Variants in PRKAG2 observed in about 807,000 individuals in gnomAD.
PRKAG2 encodes the protein protein kinase AMP-activated non-catalytic subunit gamma 2.
A neutral mutation model predicts 69.6 loss-of-function variants in PRKAG2; 26 were observed. The ratio of observed to expected loss-of-function variants is 0.37; its 90% CI spans 0.27 to 0.52. PRKAG2 has a LOEUF of 0.52. Ranked by LOEUF, PRKAG2 falls within the 20% of genes least tolerant of loss-of-function variation. The probability of loss-of-function intolerance (pLI) is 0.90; values close to 1 mark genes in which losing one functional copy is unlikely to be tolerated. For missense variants in PRKAG2, 557 were observed against 740.0 expected (o/e 0.75, Z 2.87); for synonymous variants, 293 against 285.0 (o/e 1.03, Z -0.28).
At position 151,850,774 on chromosome 7, in the gene PRKAG2, A is replaced by T. The variant is rs1453556779; in HGVS notation, c.114+25733T>A. Among the ~76,000 whole-genome samples the T allele has an allele frequency of 6.6e-6, 1 of 152,244 alleles. No individual in the cohort carries two copies. Among genetic ancestry groups the T allele is most frequent in the Non-Finnish European group, 1.5e-5 (1 of 68,036 alleles). ...TCTGAGCGCTGCCTCGCAGTTGTGCAAATCAGTTCAGCTCAGTGAGTTTTA... is the reference window on the plus strand; with the variant it reads ...TCTGAGCGCTGCCTCGCAGTTGTGCTAATCAGTTCAGCTCAGTGAGTTTTA... On this transcript the variant is annotated intron_variant, in intron 1 of 15. Transcript: ENST00000287878. The surrounding 1 kb of genome is among the most constrained non-coding windows in gnomAD (Gnocchi z 4.1).
At chr7:151,590,276 G>C (rs910376158) in intron 6 of PRKAG2, among the ~76,000 whole-genome samples, 4 of 152,244 alleles carry the variant, frequency 2.6e-5, no homozygotes, top group Admixed American at 2.0e-4. Flanking sequence ...CCCACAGACA[G>C]AGAACCCAAC....
At chr7:151,839,006 C>A (rs2079213575) in intron 1 of PRKAG2, among the ~76,000 whole-genome samples, 1 of 130,492 alleles carries the variant, frequency 7.7e-6, no homozygotes, top group African/African-American at 3.0e-5. Context: ...CAGAGTGAGA[C>A]TGTCTCAAAA....
At chr7:151,708,411 G>A (rs780370488) in intron 3 of PRKAG2, among the ~76,000 whole-genome samples, 21 of 152,256 alleles carry the variant, frequency 1.4e-4, no homozygotes, top group East Asian at 7.7e-4. Context: ...GCCAGCCATC[G>A]AAGAGAATAG....
At chr7:151,687,923 C>T (rs541833696) in intron 3 of PRKAG2, among the ~76,000 whole-genome samples, 8 of 152,126 alleles carry the variant, frequency 5.3e-5, no homozygotes, top group East Asian at 1.9e-4. Context: ...TCCTCCCCAA[C>T]GGGGCTCCCT....
intron 4 of PRKAG2, among the ~76,000 whole-genome samples, chr7:151,651,500 G>A (rs1300743771): frequency 2.0e-5 from 3 of 152,112 alleles, no homozygotes; most frequent in South Asian, 2.1e-4. Flanking sequence ...CCAGCTGTTC[G>A]AGAGGCTGAG....
chr7:151,734,113 T>C (rs1794416030), intron 3 of PRKAG2: 1 of 152,162 alleles, frequency 6.6e-6, no homozygotes, highest in South Asian at 2.1e-4. Flanking sequence ...GATTGAACAC[T>C]CTCTGGGTTC....
chr7:151,876,543 G>A lies in PRKAG2; in HGVS notation c.78C>T (p.Ala26=). The A allele has an allele frequency of 6.2e-7, 1 of 1,609,258 alleles. No homozygotes were observed. The highest frequency in any genetic ancestry group is 8.5e-7 in the Non-Finnish European group (1 of 1,179,896). Residue 26 remains alanine, a synonymous_variant, in exon 1 of 16, where the codon GCC becomes GCT. Transcript: ENST00000287878. Reference sequence around the variant, plus strand: ...CGCGCAGCGAACGCCTCTTCTGGCTGGCATTTTTCTTGCCGCCGCTCCCGC... The same window carrying A: ...CGCGCAGCGAACGCCTCTTCTGGCTAGCATTTTTCTTGCCGCCGCTCCCGC... ...SPGGSGGKKN[A]SQKRRSLRVH...
At chr7:151,676,268 G>A (rs1832934366) in intron 3 of PRKAG2, among the ~76,000 whole-genome samples, 1 of 147,918 alleles carries the variant, frequency 6.8e-6, no homozygotes, top group Non-Finnish European at 1.5e-5. Flanking sequence ...GGACGGGAGG[G>A]GAGGGGAGGG....
In PRKAG2 at chr7:151,756,366, C is replaced by A. The variant is rs907083589; in HGVS notation, c.466+24786G>T. Among the ~76,000 whole-genome samples, 10 of 152,248 alleles carry A rather than the reference C, an allele frequency of 6.6e-5. No individual in the cohort carries two copies. Among genetic ancestry groups the A allele is most frequent in the Admixed American group, 2.0e-4 (3 of 15,292 alleles). ...AGGCACCAAAGGTTTCCTGTCCTTG[C>A]AATGCTGGGAGGGACCCTAGATGGA... On this transcript the variant is annotated intron_variant, in intron 3 of 15. Coordinates refer to ENST00000287878, the MANE Select transcript of PRKAG2 (RefSeq NM_016203.4). The surrounding 1 kb of genome is among the most constrained non-coding windows in gnomAD (Gnocchi z 4.9).
Position 151,781,468 on chromosome 7 carries a change from C to T in PRKAG2, c.187-37G>A, listed in dbSNP as rs763588578. On this transcript the variant is annotated intron_variant, in intron 2 of 15. Coordinates refer to ENST00000287878, the MANE Select transcript of PRKAG2 (RefSeq NM_016203.4). The surrounding 1 kb of genome is among the most constrained non-coding windows in gnomAD (Gnocchi z 6.1). ...CAGACGAATGGATGCAGTCACTCCA[C>T]GCTCTGGACACGCTGCCTCCTGCCC... 1.1e-5 allele frequency: 18 copies of T among 1,573,512 alleles called. No homozygotes were observed. Among genetic ancestry groups the T allele is most frequent in the Admixed American group, 3.7e-5 (2 of 54,096 alleles).
rs904050065 is a variant in PRKAG2, at chr7:151,617,470, A to G, written c.754+14599T>C. On this transcript the variant is annotated intron_variant, in intron 5 of 15. Coordinates refer to ENST00000287878, the MANE Select transcript of PRKAG2 (RefSeq NM_016203.4). ...GGTGGATGGTGGCTATTTGGAATGC[A>G]TTGAACCATTCTCTCTACCATTTCA... 3.3e-5 allele frequency among the ~76,000 whole-genome samples: 5 copies of G among 152,306 alleles called. No homozygotes were observed. In the South Asian group the frequency reaches 8.3e-4, roughly 25 times the overall value.
At chr7:151,744,625 G>A (rs950085618) in intron 3 of PRKAG2, among the ~76,000 whole-genome samples, 1 of 152,244 alleles carries the variant, frequency 6.6e-6, no homozygotes, top group African/African-American at 2.4e-5. Flanking sequence ...GTTATGTGAA[G>A]CTGCAAATAG....
At chr7:151,672,148 C>T (rs1832148913) in intron 4 of PRKAG2, among the ~76,000 whole-genome samples, 1 of 150,784 alleles carries the variant, frequency 6.6e-6, no homozygotes, top group African/African-American at 2.5e-5. Context: ...GTCGCCCAGG[C>T]TGGAGTGCAG....
intron 5 of PRKAG2, among the ~76,000 whole-genome samples, chr7:151,627,574 C>A (rs545941938): frequency 6.6e-6 from 1 of 151,976 alleles, no homozygotes; most frequent in Admixed American, 6.6e-5. Flanking sequence ...TGCCGTGAAC[C>A]GAGATTGTAC....
Position 151,781,028 on chromosome 7 carries a change from C to G in PRKAG2, c.466+124G>C, listed in dbSNP as rs1276366294. ...AAGTGGGGGTGGGGAGAAACAGATA[C>G]AGGCACTCAGCACCAAGCTGCTCAC... On this transcript the variant is annotated intron_variant, in intron 3 of 15. Transcript: ENST00000287878. The surrounding 1 kb of genome is among the most constrained non-coding windows in gnomAD (Gnocchi z 6.1). 3 of 1,311,476 alleles carry G rather than the reference C, an allele frequency of 2.3e-6. No individual in the cohort carries two copies. The highest frequency in any genetic ancestry group is 1.7e-5 in the Admixed American group (1 of 58,864). The allele number at this position is 1,311,476 out of a possible 1,614,324, so 81.2% of individuals were successfully genotyped here.
At chr7:151,728,654 C>T (rs955576567) in intron 3 of PRKAG2, among the ~76,000 whole-genome samples, 1 of 152,210 alleles carries the variant, frequency 6.6e-6, no homozygotes, top group Non-Finnish European at 1.5e-5. Flanking sequence ...CACTTTCAGA[C>T]GCTGCAGTCC....
chr7:151,733,911 T>A (rs947107887), intron 3 of PRKAG2, among the ~76,000 whole-genome samples: 2 of 151,960 alleles, frequency 1.3e-5, no homozygotes, highest in African/African-American at 4.8e-5. Context: ...CCCAGGCTGG[T>A]CTCGAACTCC....
chr7:151,707,957 A>G (rs1012187832), intron 3 of PRKAG2, among the ~76,000 whole-genome samples: 1 of 152,212 alleles, frequency 6.6e-6, no homozygotes, highest in Non-Finnish European at 1.5e-5. Flanking sequence ...CCCAACCCAG[A>G]CGGGGCAGGG....
At chr7:151,618,867 T>C (rs953629017) in intron 5 of PRKAG2, among the ~76,000 whole-genome samples, 2 of 152,188 alleles carry the variant, frequency 1.3e-5, no homozygotes, top group Admixed American at 6.5e-5. Flanking sequence ...GGATTTACAA[T>C]TATAAGGTGG....
Sources: allele counts gnomAD v4.1 joint callset (sites outside exome capture counted in the v4.1 genomes callset), GRCh38; gene constraint gnomAD v4.1.1; non-coding constraint Gnocchi (gnomAD v3.1); transcripts MANE v1.5; gene names NCBI Gene and HGNC (gene_info 2026-07-23, HGNC 2026-07-21).